BACH1: variants seen among roughly 807,000 people sequenced by gnomAD.
The protein encoded by BACH1 is transcription regulator protein BACH1.
BACH1 carries 35 observed loss-of-function variants against 52.9 expected under a neutral mutation model. The ratio of observed to expected loss-of-function variants is 0.66; its 90% CI spans 0.51 to 0.88. BACH1 has a LOEUF of 0.88. BACH1 is among the 40% of genes least tolerant of loss of function. The pLI is 0.00. For synonymous variants in BACH1, 321 were observed against 319.6 expected, an observed-to-expected ratio of 1.00 and a Z score of -0.05; for missense variants, 808 against 872.6, an observed-to-expected ratio of 0.93 and a Z score of 0.93.
chr21:29,336,997 C>T (rs181676767), intron 4 of BACH1, among the ~76,000 whole-genome samples: 43 of 152,250 alleles, frequency 2.8e-4, no homozygotes, highest in Admixed American at 1.4e-3. Flanking sequence ...TTTTCCCTCC[C>T]TCCCACTCTT....
At chr21:29,312,915 C>T (rs1354974072) in intron 1 of BACH1, among the ~76,000 whole-genome samples, 2 of 152,072 alleles carry the variant, frequency 1.3e-5, no homozygotes, top group Non-Finnish European at 2.9e-5. Context: ...TTAAAAAGCC[C>T]AGAAGAATTA....
downstream of BACH1, among the ~76,000 whole-genome samples, chr21:29,346,321 G>A (rs2089167800): frequency 6.6e-6 from 1 of 152,096 alleles, no homozygotes; most frequent in African/African-American, 2.4e-5. Flanking sequence ...AGGAAGCACA[G>A]ATTTTAGCTT....
At position 29,329,507 on chromosome 21, in the gene BACH1, A is replaced by G; in HGVS notation, c.1590A>G (p.Ala530=). 6.3e-7 allele frequency: 1 copy of G among 1,584,884 alleles called. No individual in the cohort carries two copies. ...QECEVKLPFN[A]QRIISLSRND... The stretch of plus-strand genomic sequence containing the variant: ...TCTAGGTAAAACTGCCATTCAATGC[A>G]CAACGGATAATTTCACTGTCTCGAA... Residue 530 remains alanine (A), a synonymous_variant, in exon 4 of 5, where the codon GCA becomes GCG. Transcript: ENST00000286800.
intron 4 of BACH1, among the ~76,000 whole-genome samples, chr21:29,339,650 T>G (rs2089088452): frequency 9.6e-6 from 1 of 103,672 alleles, no homozygotes; most frequent in Non-Finnish European, 2.0e-5. Context: ...TTTTTTTTTT[T>G]GAGACAGAGT....
At chr21:29,306,169 AGTGTGTGTGTGTGTGTGTGTGTGTGT>A (rs61571512) in intron 1 of BACH1, among the ~76,000 whole-genome samples, 19 of 141,286 alleles carry the variant, frequency 1.3e-4, no homozygotes, top group Admixed American at 4.2e-4. Context: ...GGTCAGGAAG[AGTGTGTGTGTGTGTGTGTGTGTGTGT>A]GTGTGTGTGT....
intron 1 of BACH1, among the ~76,000 whole-genome samples, chr21:29,306,841 C>T (rs1172061714): frequency 6.6e-6 from 1 of 151,922 alleles, no homozygotes; most frequent in Admixed American, 6.6e-5. Context: ...CAAATCAAAT[C>T]AATGGTTTAT....
Position 29,343,223 on chromosome 21 carries a change from TTAA to T in BACH1, c.*395_*397del, listed in dbSNP as rs558414785. 5.7e-5 allele frequency: 9 copies of T among 156,890 alleles called. No homozygotes were observed. In the South Asian group the frequency reaches 1.6e-3, roughly 27 times the overall value. 9.7% of individuals were successfully genotyped at this position (156,890 alleles called of 1,614,324 possible). ...ACTAAAAGAAGTGGCCTGCAGAAGT[TTAA>T]TAATTTGACTTTTTTCTAATATTTT... On this transcript the variant is annotated 3_prime_UTR_variant, in exon 5 of 5. Transcript: ENST00000286800.
intron 1 of BACH1, among the ~76,000 whole-genome samples, chr21:29,307,261 G>A (rs1181409385): frequency 2.0e-5 from 3 of 152,090 alleles, no homozygotes; most frequent in East Asian, 1.9e-4. Flanking sequence ...TAGCTTATTC[G>A]TCATTCTTTT....
intron 1 of BACH1, among the ~76,000 whole-genome samples, chr21:29,310,143 A>G (rs780045002): frequency 2.6e-5 from 4 of 152,214 alleles, no homozygotes; most frequent in Admixed American, 6.5e-5. Flanking sequence ...TGACAAACCA[A>G]TTATCTGCTG....
At chr21:29,354,279 A>T (rs1201410714) in intron 2 of BACH1, among the ~76,000 whole-genome samples, 1 of 151,598 alleles carries the variant, frequency 6.6e-6, no homozygotes, top group African/African-American at 2.4e-5. Flanking sequence ...GAGGGGTGAG[A>T]AGAGTCCAGA....
chr21:29,331,390 A>T (rs1350500656), intron 4 of BACH1, among the ~76,000 whole-genome samples: 1 of 152,236 alleles, frequency 6.6e-6, no homozygotes, highest in Non-Finnish European at 1.5e-5. Flanking sequence ...GCGAAACAAG[A>T]CTATTCTAGT....
intron 4 of BACH1, among the ~76,000 whole-genome samples, chr21:29,334,243 G>A (rs537141509): frequency 4.5e-4 from 69 of 152,044 alleles, no homozygotes; most frequent in African/African-American, 1.6e-3. Context: ...GACTACAGGC[G>A]CTGGCCACCA....
At chr21:29,346,757 C>T (rs1204882516), downstream of BACH1, among the ~76,000 whole-genome samples, 1 of 152,178 alleles carries the variant, frequency 6.6e-6, no homozygotes, top group Non-Finnish European at 1.5e-5. Context: ...TAAGAAAGTG[C>T]TCAGTTGTGT....
chr21:29,332,997 T>C (rs530470533), intron 4 of BACH1, among the ~76,000 whole-genome samples: 2 of 152,360 alleles, frequency 1.3e-5, no homozygotes, highest in South Asian at 2.1e-4. Flanking sequence ...TTGTGTTTCA[T>C]CTTCCTTGAA....
downstream of BACH1, among the ~76,000 whole-genome samples, chr21:29,350,489 T>G (rs936761959): frequency 1.7e-4 from 26 of 152,224 alleles, no homozygotes; most frequent in African/African-American, 5.8e-4. Context: ...CTTATCAGGT[T>G]GTTTCTTGTT....
intron 4 of BACH1, among the ~76,000 whole-genome samples, chr21:29,331,827 A>G (rs912900024): frequency 2.6e-5 from 4 of 152,236 alleles, no homozygotes; most frequent in Non-Finnish European, 5.9e-5. Context: ...CCTGGCACGT[A>G]GTAACTACTC....
chr21:29,312,854 T>C (rs753260471), intron 1 of BACH1, among the ~76,000 whole-genome samples: 5 of 152,198 alleles, frequency 3.3e-5, no homozygotes, highest in Non-Finnish European at 7.4e-5. Flanking sequence ...ATATTTTCAT[T>C]GCATTCCTAA....
intron 1 of BACH1, among the ~76,000 whole-genome samples, chr21:29,301,333 G>T (rs2088600978): frequency 2.0e-5 from 3 of 152,150 alleles, no homozygotes; most frequent in Non-Finnish European, 4.4e-5. Context: ...ATTATATAAT[G>T]CGCGTGCATG....
intron 1 of BACH1, among the ~76,000 whole-genome samples, chr21:29,312,478 GTC>G (rs1486992333): frequency 6.6e-6 from 1 of 152,150 alleles, no homozygotes; most frequent in African/African-American, 2.4e-5. Context: ...AAGTAAAATG[GTC>G]TCTGTTTGCA....
Sources: allele counts gnomAD v4.1 joint callset (sites outside exome capture counted in the v4.1 genomes callset), GRCh38; gene constraint gnomAD v4.1.1; transcripts MANE v1.5; gene names NCBI Gene and HGNC (gene_info 2026-07-23, HGNC 2026-07-21).